The following LHFPL6 variants were observed in gnomAD, a reference collection of about 807,000 sequenced individuals.
LHFPL6 encodes the protein LHFPL tetraspan subfamily member 6 protein.
Under a neutral mutation model 20.6 loss-of-function variants are expected in LHFPL6, and 9 were observed. That is an observed-to-expected ratio of 0.44 (90% CI 0.26 to 0.76). LHFPL6 has a LOEUF of 0.76. Ranked by LOEUF, LHFPL6 falls within the 30% of genes least tolerant of loss-of-function variation. The probability of loss-of-function intolerance (pLI) is 0.20; values close to 1 mark genes in which losing one functional copy is unlikely to be tolerated. For missense variants in LHFPL6, 218 were observed against 253.5 expected, an observed-to-expected ratio of 0.86 and a Z score of 0.95; for synonymous variants, 105 against 98.7, an observed-to-expected ratio of 1.06 and a Z score of -0.38.
At chr13:39,558,188 C>T (rs186044240) in intron 2 of LHFPL6, among the ~76,000 whole-genome samples, 27 of 152,306 alleles carry the variant, frequency 1.8e-4, no homozygotes, top group Middle Eastern at 3.4e-3. Context: ...TTACACTAGT[C>T]TCACAGAGTG....
intron 2 of LHFPL6, among the ~76,000 whole-genome samples, chr13:39,522,548 C>G (rs1473596807): frequency 6.6e-6 from 1 of 152,258 alleles, no homozygotes; most frequent in African/African-American, 2.4e-5. Context: ...ACTCAGCTGA[C>G]AATCTCATGG....
At chr13:39,423,818 T>A (rs1871559662) in intron 2 of LHFPL6, among the ~76,000 whole-genome samples, 1 of 152,202 alleles carries the variant, frequency 6.6e-6, no homozygotes, top group Non-Finnish European at 1.5e-5. Flanking sequence ...GTCTGGATGC[T>A]TTTATCAAAG....
chr13:39,481,143 A>G (rs1868506187), intron 2 of LHFPL6, among the ~76,000 whole-genome samples: 2 of 152,196 alleles, frequency 1.3e-5, no homozygotes, highest in South Asian at 4.1e-4. Context: ...TATTGCTTAA[A>G]ATGCCTTAAC....
chr13:39,419,307 C>G (rs1166933937), intron 2 of LHFPL6, among the ~76,000 whole-genome samples: 1 of 152,210 alleles, frequency 6.6e-6, no homozygotes, highest in Non-Finnish European at 1.5e-5. Context: ...TCTCCCTAGT[C>G]CCTAAGTTTA....
chr13:39,347,986 T>C (rs1054179114), intron 3 of LHFPL6, among the ~76,000 whole-genome samples: 21 of 152,226 alleles, frequency 1.4e-4, no homozygotes, highest in African/African-American at 5.1e-4. Context: ...AAAAAATTGC[T>C]GAGGCTAATT....
chr13:39,352,991 T>TATATATATATAA (rs1566091754), intron 3 of LHFPL6, among the ~76,000 whole-genome samples: 3 of 93,654 alleles, frequency 3.2e-5, no homozygotes, highest in African/African-American at 1.5e-4. Flanking sequence ...ATATATATAA[T>TATATATATATAA]TTTTTTTTTT....
intron 3 of LHFPL6, among the ~76,000 whole-genome samples, chr13:39,348,829 C>A (rs1021829188): frequency 6.6e-6 from 1 of 152,188 alleles, no homozygotes. Flanking sequence ...CTTCCTAGGG[C>A]AAATCCTTGT....
chr13:39,371,821 T>A (rs900050097), intron 3 of LHFPL6, among the ~76,000 whole-genome samples: 1 of 152,232 alleles, frequency 6.6e-6, no homozygotes, highest in Admixed American at 6.5e-5. Context: ...GCAGCCATTA[T>A]CCCTTTGAGC....
chr13:39,597,747 T>C (rs1416731760), intron 2 of LHFPL6, among the ~76,000 whole-genome samples: 2 of 152,240 alleles, frequency 1.3e-5, no homozygotes, highest in Admixed American at 6.5e-5. Context: ...ATTCCTACTA[T>C]AGGTAGAAAA....
At chr13:39,561,689 G>GT (rs1181760649) in intron 2 of LHFPL6, among the ~76,000 whole-genome samples, 2 of 152,122 alleles carry the variant, frequency 1.3e-5, no homozygotes, top group Non-Finnish European at 2.9e-5. Flanking sequence ...ACTCTTGGCC[G>GT]TAAGTGATCC....
intron 2 of LHFPL6, among the ~76,000 whole-genome samples, chr13:39,478,619 C>T (rs1198849618): frequency 6.6e-6 from 1 of 152,100 alleles, no homozygotes; most frequent in Non-Finnish European, 1.5e-5. Context: ...AATCAGTCAA[C>T]TCAGTAAAAT....
chr13:39,586,000 C>G (rs1417941604), intron 2 of LHFPL6, among the ~76,000 whole-genome samples: 5 of 152,032 alleles, frequency 3.3e-5, no homozygotes, highest in Non-Finnish European at 5.9e-5. Flanking sequence ...TATGGGGCAC[C>G]CTCACCCCAT....
intron 2 of LHFPL6, among the ~76,000 whole-genome samples, chr13:39,583,700 C>G (rs191869906): frequency 1.0e-3 from 156 of 152,306 alleles, no homozygotes; most frequent in African/African-American, 3.4e-3. Flanking sequence ...CCTAAATGAA[C>G]AAATTTCTCA....
At chr13:39,356,708 G>A (rs1869735980) in intron 3 of LHFPL6, among the ~76,000 whole-genome samples, 1 of 152,120 alleles carries the variant, frequency 6.6e-6, no homozygotes, top group African/African-American at 2.4e-5. Context: ...ACAGAAATAC[G>A]AAAGACTCTC....
intron 2 of LHFPL6, among the ~76,000 whole-genome samples, chr13:39,554,338 A>G (rs1871235880): frequency 6.6e-6 from 1 of 152,192 alleles, no homozygotes; most frequent in African/African-American, 2.4e-5. Flanking sequence ...TGCCTCTTTA[A>G]TATACTCTTT....
intron 2 of LHFPL6, among the ~76,000 whole-genome samples, chr13:39,509,244 AT>A (rs1869600670): frequency 6.6e-6 from 1 of 152,148 alleles, no homozygotes; most frequent in African/African-American, 2.4e-5. Context: ...AGTTTTGAAT[AT>A]TTTTAAATAA....
chr13:39,441,758 C>T (rs1344579929), intron 2 of LHFPL6, among the ~76,000 whole-genome samples: 1 of 151,426 alleles, frequency 6.6e-6, no homozygotes, highest in East Asian at 1.9e-4. Context: ...AGCAATCTGC[C>T]TGATTCAGCT....
chr13:39,401,271 T>C (rs564450422), intron 2 of LHFPL6, among the ~76,000 whole-genome samples: 1 of 152,326 alleles, frequency 6.6e-6, no homozygotes, highest in East Asian at 1.9e-4. Context: ...TACATAACAA[T>C]GAAAGTAGAG....
chr13:39,474,980 AAC>A (rs1273252614), intron 2 of LHFPL6, among the ~76,000 whole-genome samples: 2 of 152,174 alleles, frequency 1.3e-5, no homozygotes, highest in African/African-American at 2.4e-5. Context: ...GAACTTTTTA[AAC>A]ACAGAGTCCA....
Sources: allele counts gnomAD v4.1 joint callset (sites outside exome capture counted in the v4.1 genomes callset), GRCh38; gene constraint gnomAD v4.1.1; transcripts MANE v1.5; gene names NCBI Gene and HGNC (gene_info 2026-07-23, HGNC 2026-07-21).